Variants in LAMB1 observed in about 807,000 individuals in gnomAD.
LAMB1 encodes the protein laminin subunit beta-1.
Under a neutral mutation model 222.3 loss-of-function variants are expected in LAMB1, and 121 were observed. The observed-to-expected ratio is 0.54, with a 90% CI of 0.47 to 0.63. The LOEUF is 0.63. Ranked by LOEUF, LAMB1 falls within the 30% of genes least tolerant of loss-of-function variation. The probability of loss-of-function intolerance (pLI) is 0.00; values close to 1 mark genes in which losing one functional copy is unlikely to be tolerated. For missense variants in LAMB1, 2,172 were observed against 2,240.8 expected (o/e 0.97, Z 0.62); for synonymous variants, 794 against 807.2 (o/e 0.98, Z 0.28).
chr7:107,932,410 C>T (rs375793663), intron 27 of LAMB1, 33 bp from the exon 28 acceptor site: 40 of 1,605,940 alleles, frequency 2.5e-5, no homozygotes, highest in Admixed American at 5.0e-5. Flanking sequence ...CACAATACTT[C>T]GGATAGTGAA....
chr7:107,938,519 G>T (rs538039127), intron 25 of LAMB1, among the ~76,000 whole-genome samples: 2 of 152,150 alleles, frequency 1.3e-5, no homozygotes, highest in Non-Finnish European at 2.9e-5. Context: ...AAAGAGTAAT[G>T]GAACTAGTTT....
Position 107,980,671 on chromosome 7 carries a change from A to G in LAMB1, c.817T>C (p.Cys273Arg), listed in dbSNP as rs749439334. 4 of 1,614,164 alleles carry G rather than the reference A, an allele frequency of 2.5e-6. No homozygotes were observed. ...YDMVVRGNCF[C>R]YGHASECAPV... ...GCACATTCGCTGGCATGACCATAGC[A>G]GAAGCAATTTCCTCGAACCACCATA... is the stretch of plus-strand genomic sequence containing the variant. Residue 273 changes from cysteine to arginine, a missense_variant, in exon 8 of 34, where the codon TGC (cysteine) becomes CGC (arginine). By Grantham distance (180) the Cys-to-Arg change is radical (BLOSUM62 -3). Transcript: ENST00000222399.
intron 24 of LAMB1, among the ~76,000 whole-genome samples, chr7:107,949,043 A>C (rs1234353515): frequency 1.3e-5 from 2 of 152,198 alleles, no homozygotes; most frequent in African/African-American, 4.8e-5. Context: ...TTCCTGATGA[A>C]AAGTTTCTTA....
chr7:108,001,655 G>C lies in LAMB1; in HGVS notation c.116C>G (p.Thr39Arg). ...GCAEGSCYPA[T>R]GDLLIGRAQK... ...TGCTCGGCCGATGAGAAGGTCGCCCGTGGCGGGATAGCAGCTGCCTTCTGC... is the reference window on the plus strand; with the variant it reads ...TGCTCGGCCGATGAGAAGGTCGCCCCTGGCGGGATAGCAGCTGCCTTCTGC... The change falls in exon 3 of 34, where the codon ACG becomes AGG. Residue 39 changes from threonine (T) to arginine (R), a missense_variant. Thr to Arg is a moderately conservative substitution (Grantham distance 71). Coordinates refer to ENST00000222399, the MANE Select transcript of LAMB1 (RefSeq NM_002291.3). 6.2e-7 allele frequency: 1 copy of C among 1,612,804 alleles called. No individual in the cohort carries two copies. The highest frequency in any genetic ancestry group is 8.5e-7 in the Non-Finnish European group (1 of 1,179,828).
intron 29 of LAMB1, chr7:107,930,115 A>G (rs993673227): frequency 1.3e-5 from 2 of 154,800 alleles, no homozygotes; most frequent in Admixed American, 1.3e-4. Flanking sequence ...TGGAGATTTG[A>G]TATTTCCTAC....
intron 5 of LAMB1, among the ~76,000 whole-genome samples, chr7:107,992,919 C>G (rs1296112016): frequency 1.3e-5 from 2 of 152,048 alleles, no homozygotes; most frequent in Non-Finnish European, 2.9e-5. Context: ...CAGAGGGGAA[C>G]AGGAGAACAT....
intron 15 of LAMB1, 40 bp downstream of exon 15, chr7:107,962,865 C>T (rs1414629340): frequency 2.6e-6 from 4 of 1,565,952 alleles, no homozygotes; most frequent in Non-Finnish European, 3.5e-6. Context: ...TACTGATTCT[C>T]CCCTCCCTCC....
intron 27 of LAMB1, 180 bp from the exon 28 acceptor site, chr7:107,932,557 CTGCT>C (rs2032740260): frequency 6.6e-6 from 4 of 610,040 alleles, no homozygotes; most frequent in Non-Finnish European, 1.2e-5. Context: ...GTAAACTAAC[CTGCT>C]TATTTCCAAG....
Position 107,961,280 on chromosome 7 carries a change from T to C in LAMB1, c.2035A>G (p.Thr679Ala). ...PVCFEKGTNY[T>A]VRLELPQYTS... ...TACTGAGGCAGCTCCAACCTCACCG[T>C]GTAGTTTGTTCCCTTCTCAAAGCAC... Residue 679 changes from threonine to alanine, a missense_variant, in exon 17 of 34, where the codon ACG becomes GCG. Thr to Ala is a moderately conservative substitution (Grantham distance 58). Transcript: ENST00000222399. The C allele has an allele frequency of 6.2e-7, 1 of 1,614,108 alleles. No individual in the cohort carries two copies. The highest frequency in any genetic ancestry group is 8.5e-7 in the Non-Finnish European group (1 of 1,180,014).
intron 21 of LAMB1, among the ~76,000 whole-genome samples, chr7:107,954,684 G>A (rs2033338061): frequency 6.6e-6 from 1 of 152,128 alleles, no homozygotes; most frequent in Non-Finnish European, 1.5e-5. Context: ...CCAGCTACTC[G>A]GGAGGCTGAG....
At chr7:107,966,713 A>G (rs1377617342) in intron 13 of LAMB1, among the ~76,000 whole-genome samples, 4 of 151,900 alleles carry the variant, frequency 2.6e-5, no homozygotes, top group Non-Finnish European at 5.9e-5. Context: ...AACATGAACC[A>G]CCAAAGAAGA....
chr7:107,958,361 G>A (rs2033421220), intron 20 of LAMB1, among the ~76,000 whole-genome samples: 1 of 152,196 alleles, frequency 6.6e-6, no homozygotes, highest in Non-Finnish European at 1.5e-5. Flanking sequence ...CGAGAGCCAC[G>A]TGTTTGCCTC....
intron 5 of LAMB1, 141 bp from the exon 6 acceptor site, chr7:107,986,504 T>A: frequency 1.5e-6 from 1 of 658,762 alleles, no homozygotes; most frequent in Non-Finnish European, 2.5e-6. Context: ...TGGCTGGATT[T>A]CAAATAATTC....
At chr7:107,951,458 C>A in intron 23 of LAMB1, 136 bp from the exon 24 acceptor site, 2 of 714,046 alleles carry the variant, frequency 2.8e-6, no homozygotes, top group South Asian at 3.8e-5. Flanking sequence ...GGAAAAGGGA[C>A]TCCCACTTCA....
chr7:107,968,300 C>G (rs1398833713), intron 13 of LAMB1, among the ~76,000 whole-genome samples: 1 of 152,156 alleles, frequency 6.6e-6, no homozygotes, highest in Non-Finnish European at 1.5e-5. Flanking sequence ...TATGTATTCT[C>G]TACAAATTTC....
chr7:107,933,613 AAC>A (rs1554402936), intron 27 of LAMB1, among the ~76,000 whole-genome samples: 1 of 152,164 alleles, frequency 6.6e-6, no homozygotes, highest in African/African-American at 2.4e-5. Flanking sequence ...GAAAAAAAAA[AAC>A]ACAGTATGGC....
chr7:107,962,723 A>G (rs2033535461), intron 15 of LAMB1, among the ~76,000 whole-genome samples, 182 bp downstream of exon 15: 2 of 151,634 alleles, frequency 1.3e-5, no homozygotes, highest in Admixed American at 6.6e-5. Context: ...AAAAAAAAAA[A>G]AAGAAAGAAA....
At chr7:107,964,504 C>T (rs780737757) in intron 14 of LAMB1, 48 bp downstream of exon 14, 14 of 1,610,022 alleles carry the variant, frequency 8.7e-6, no homozygotes, top group Middle Eastern at 1.7e-4. Flanking sequence ...TGTTCCACTA[C>T]ACCCCAAAAC....
rs13247850 is a variant in LAMB1 at position 107,954,104 on chromosome 7, G to A, written c.2855-350C>T. Among the ~76,000 whole-genome samples the A allele has an allele frequency of 0.28, 42,762 of 151,936 alleles. 7,173 individuals are homozygous for A. The highest frequency in any genetic ancestry group is 0.37 in the Non-Finnish European group (25,168 of 67,940). ...TGAGCACATGGGGGTGGAGCATGTT[G>A]GGAGCAAACTAACAATGTAAAGCAT... is the stretch of plus-strand genomic sequence containing the variant. On this transcript the variant is annotated intron_variant, in intron 21 of 33. Transcript: ENST00000222399.
Sources: allele counts gnomAD v4.1 joint callset (sites outside exome capture counted in the v4.1 genomes callset), GRCh38; gene constraint gnomAD v4.1.1; transcripts MANE v1.5; gene names NCBI Gene and HGNC (gene_info 2026-07-23, HGNC 2026-07-21).